The following FOXO1 variants were observed in gnomAD, a reference collection of about 807,000 sequenced individuals.
The protein encoded by FOXO1 is forkhead box O1.
FOXO1 carries 6 observed loss-of-function variants against 44.1 expected under a neutral mutation model. The ratio of observed to expected loss-of-function variants is 0.14; its 90% CI spans 0.07 to 0.27. The LOEUF is 0.27. FOXO1 is among the 10% of genes least tolerant of loss of function. The probability of loss-of-function intolerance (pLI) is 1.00; values close to 1 mark genes in which losing one functional copy is unlikely to be tolerated. For synonymous variants in FOXO1, 380 were observed against 362.7 expected (o/e 1.05, Z -0.54); for missense variants, 737 against 888.8 (o/e 0.83, Z 2.17).
chr13:40,588,059 G>A (rs919706403), intron 1 of FOXO1, among the ~76,000 whole-genome samples: 1 of 152,172 alleles, frequency 6.6e-6, no homozygotes, highest in Non-Finnish European at 1.5e-5. Flanking sequence ...CTGCTATGGT[G>A]CGGGAGGAAG....
At chr13:40,562,997 G>A (rs931601962) in intron 1 of FOXO1, among the ~76,000 whole-genome samples, 1 of 152,180 alleles carries the variant, frequency 6.6e-6, no homozygotes, top group Non-Finnish European at 1.5e-5. Context: ...CAAGGAGTGG[G>A]ATTCTGGGTG....
At chr13:40,561,919 A>G (rs372136767) in intron 1 of FOXO1, among the ~76,000 whole-genome samples, 201 of 150,860 alleles carry the variant, frequency 1.3e-3, no homozygotes, top group African/African-American at 4.8e-3. Context: ...CAGCCTGGGC[A>G]ACAAGAGTTA....
intron 1 of FOXO1, among the ~76,000 whole-genome samples, chr13:40,569,516 C>T (rs931816002): frequency 6.6e-6 from 1 of 152,214 alleles, no homozygotes; most frequent in African/African-American, 2.4e-5. Flanking sequence ...TTAAAAGTCA[C>T]TCATCACAAA....
intron 1 of FOXO1, among the ~76,000 whole-genome samples, chr13:40,577,316 C>T (rs1344508071): frequency 6.6e-6 from 1 of 152,174 alleles, no homozygotes; most frequent in Non-Finnish European, 1.5e-5. Context: ...TTAACCTTAC[C>T]CTCAACAGAT....
intron 1 of FOXO1, among the ~76,000 whole-genome samples, chr13:40,591,585 C>A (rs1327078441): frequency 2.0e-5 from 3 of 152,154 alleles, no homozygotes; most frequent in Non-Finnish European, 4.4e-5. Context: ...AGAGTGGAGA[C>A]TAGCAGATGA....
At chr13:40,619,301 AT>A (rs1876529913) in intron 1 of FOXO1, 1 of 436,758 alleles carries the variant, frequency 2.3e-6, no homozygotes, top group South Asian at 2.1e-5. Context: ...TCTCAAAAAA[AT>A]AAAATGAAAT....
intron 1 of FOXO1, among the ~76,000 whole-genome samples, chr13:40,562,538 T>C (rs1203983473): frequency 6.6e-6 from 1 of 152,150 alleles, no homozygotes; most frequent in Non-Finnish European, 1.5e-5. Context: ...TACATAAAAA[T>C]GCTCAGCGGT....
intron 1 of FOXO1, among the ~76,000 whole-genome samples, chr13:40,654,443 G>C (rs985107407): frequency 4.7e-5 from 7 of 148,360 alleles, no homozygotes; most frequent in Non-Finnish European, 8.9e-5. Flanking sequence ...GGAGGTTGCA[G>C]TGAACCGAGA....
At chr13:40,592,209 T>C (rs1875400727) in intron 1 of FOXO1, among the ~76,000 whole-genome samples, 1 of 152,168 alleles carries the variant, frequency 6.6e-6, no homozygotes, top group South Asian at 2.1e-4. Context: ...TATTCAATCT[T>C]CATGCTACTC....
rs74044533 is a variant in FOXO1 at position 40,563,916 on chromosome 13, T to C, written c.631-3056A>G. Among the ~76,000 whole-genome samples, 899 of 152,326 alleles carry C rather than the reference T, an allele frequency of 5.9e-3. 7 individuals carry two copies. Among genetic ancestry groups the C allele is most frequent in the African/African-American group, 0.021 (861 of 41,568 alleles). ...TGCAGTCTGACCCTGACATTTTCTATACACTGGAAGTCCAGGCATTTGCAC... is the reference window on the plus strand; with the variant it reads ...TGCAGTCTGACCCTGACATTTTCTACACACTGGAAGTCCAGGCATTTGCAC... On this transcript the variant is annotated intron_variant, in intron 1 of 2. Coordinates refer to ENST00000379561, the MANE Select transcript of FOXO1 (RefSeq NM_002015.4).
At chr13:40,563,827 C>T (rs1038636831) in intron 1 of FOXO1, among the ~76,000 whole-genome samples, 4 of 152,300 alleles carry the variant, frequency 2.6e-5, no homozygotes, top group East Asian at 3.9e-4. Flanking sequence ...CCAGCCGAAC[C>T]GAGTTCTTAA....
At chr13:40,609,683 T>G (rs911654233) in intron 1 of FOXO1, among the ~76,000 whole-genome samples, 4 of 152,142 alleles carry the variant, frequency 2.6e-5, no homozygotes, top group Admixed American at 2.6e-4. Context: ...ATATTCAAAC[T>G]CACGCCTAAA....
At chr13:40,650,293 C>T (rs934429097) in intron 1 of FOXO1, among the ~76,000 whole-genome samples, 5 of 152,134 alleles carry the variant, frequency 3.3e-5, no homozygotes, top group African/African-American at 9.7e-5. Context: ...TTCTTTACTG[C>T]AACCTGTTTT....
At chr13:40,661,458 G>A (rs760410451) in intron 1 of FOXO1, among the ~76,000 whole-genome samples, 7 of 151,882 alleles carry the variant, frequency 4.6e-5, no homozygotes, top group South Asian at 2.1e-4. Flanking sequence ...CACCACACCC[G>A]GCTAATTTTT....
At position 40,560,362 on chromosome 13, in the gene FOXO1, T is replaced by C. The variant is rs760221729; in HGVS notation, c.1129A>G (p.Asn377Asp). ...GTTGGTGATGAGAGAAGGTTGAGATTATCCAAAAGATTTTCCATGTTTTCG... is the reference window on the plus strand; with the variant it reads ...GTTGGTGATGAGAGAAGGTTGAGATCATCCAAAAGATTTTCCATGTTTTCG... ...NPENMENLLD[N>D]LNLLSSPTSL... The change falls in exon 2 of 3, where the codon AAT (asparagine) becomes GAT (aspartate). Residue 377 changes from asparagine to aspartate, a missense_variant. Around this residue, in one of 7 missense-constraint regions of FOXO1, gnomAD observed 136 missense variants for 186.4 expected, o/e 0.73. Transcript: ENST00000379561. The surrounding 1 kb of genome is among the most constrained non-coding windows in gnomAD (Gnocchi z 5.1). 3 of 1,614,120 alleles carry C rather than the reference T, an allele frequency of 1.9e-6. No individual in the cohort carries two copies. Among genetic ancestry groups the C allele is most frequent in the Non-Finnish European group, 2.5e-6 (3 of 1,180,032 alleles).
chr13:40,565,646 C>T (rs942204215), intron 1 of FOXO1, among the ~76,000 whole-genome samples: 8 of 152,176 alleles, frequency 5.3e-5, no homozygotes, highest in South Asian at 2.1e-4. Flanking sequence ...AGCACCAACA[C>T]CATAGGGGCA....
chr13:40,594,662 G>A (rs565971906), intron 1 of FOXO1, among the ~76,000 whole-genome samples: 3 of 152,044 alleles, frequency 2.0e-5, no homozygotes, highest in African/African-American at 4.8e-5. Context: ...TAATACACAC[G>A]GGCTTCTCTC....
intron 1 of FOXO1, among the ~76,000 whole-genome samples, chr13:40,600,157 A>G (rs1875764363): frequency 1.3e-5 from 2 of 152,232 alleles, no homozygotes; most frequent in African/African-American, 4.8e-5. Flanking sequence ...AGGAGGAGAA[A>G]CCCATTTCAA....
At chr13:40,609,246 G>A (rs1379692524) in intron 1 of FOXO1, among the ~76,000 whole-genome samples, 17 of 152,144 alleles carry the variant, frequency 1.1e-4, no homozygotes, top group Non-Finnish European at 2.4e-4. Flanking sequence ...CTGGAGGGTA[G>A]AATACCAAAC....
Sources: allele counts gnomAD v4.1 joint callset (sites outside exome capture counted in the v4.1 genomes callset), GRCh38; gene constraint gnomAD v4.1.1; regional missense constraint gnomAD v4.1.1; non-coding constraint Gnocchi (gnomAD v3.1); transcripts MANE v1.5; gene names NCBI Gene and HGNC (gene_info 2026-07-23, HGNC 2026-07-21).